The following MPDZ variants were observed in gnomAD, a reference collection of about 807,000 sequenced individuals.
MPDZ encodes the protein multiple PDZ domain protein.
In MPDZ, 234 loss-of-function variants were observed where a neutral mutation model predicts 239.1. The observed-to-expected ratio is 0.98, with a 90% confidence interval of 0.88 to 1.09. The LOEUF is 1.09. MPDZ is among the 50% of genes least tolerant of loss of function. The pLI is 0.00. For missense variants in MPDZ, 3,175 were observed against 2,510.0 expected, an observed-to-expected ratio of 1.26 and a Z score of -5.66; for synonymous variants, 1,048 against 881.3, an observed-to-expected ratio of 1.19 and a Z score of -3.35.
chr9:13,209,481 T>C (rs192523560), intron 10 of MPDZ, among the ~76,000 whole-genome samples: 470 of 152,228 alleles, frequency 3.1e-3, no homozygotes, highest in African/African-American at 0.011. Context: ...TCTTAAAACA[T>C]CTGGAAAAAA....
intron 1 of MPDZ, among the ~76,000 whole-genome samples, chr9:13,264,241 T>G (rs1971312354): frequency 6.6e-6 from 1 of 152,172 alleles, no homozygotes; most frequent in Non-Finnish European, 1.5e-5. Context: ...TGAGGCAAAA[T>G]GATCTTTCAA....
intron 3 of MPDZ, among the ~76,000 whole-genome samples, chr9:13,226,287 A>T (rs1050596251): frequency 6.6e-6 from 1 of 152,150 alleles, no homozygotes; most frequent in African/African-American, 2.4e-5. Context: ...CTTTTAAAAG[A>T]GTTTGAAGTT....
intron 7 of MPDZ, 107 bp from the exon 8 acceptor site, chr9:13,219,875 A>T (rs1228966553): frequency 5.7e-6 from 6 of 1,046,724 alleles, no homozygotes; most frequent in East Asian, 5.2e-5. Flanking sequence ...ATGAGTTACC[A>T]ATCAGGACAT....
At chr9:13,175,040 G>GAC (rs1009098075) in intron 21 of MPDZ, among the ~76,000 whole-genome samples, 5 of 152,132 alleles carry the variant, frequency 3.3e-5, no homozygotes, top group African/African-American at 1.2e-4. Context: ...ATTAACCAGA[G>GAC]TCTTGGGCTG....
At chr9:13,205,889 C>A (rs770084421) in intron 11 of MPDZ, 27 bp downstream of exon 11, 2 of 1,532,578 alleles carry the variant, frequency 1.3e-6, no homozygotes, top group Non-Finnish European at 1.8e-6. Flanking sequence ...AAAGGTCTAA[C>A]TAAAAACCAG....
intron 34 of MPDZ, among the ~76,000 whole-genome samples, chr9:13,125,915 A>G (rs1490847761): frequency 6.6e-6 from 1 of 152,236 alleles, no homozygotes; most frequent in Non-Finnish European, 1.5e-5. Flanking sequence ...ATTTTTAAAA[A>G]GTAACTTTAA....
intron 24 of MPDZ, among the ~76,000 whole-genome samples, chr9:13,152,999 C>T (rs952508568): frequency 1.3e-5 from 2 of 151,918 alleles, no homozygotes; most frequent in African/African-American, 2.4e-5. Flanking sequence ...ATGATGAGAC[C>T]CTGCAATCTG....
Position 13,121,739 on chromosome 9 carries a change from C to A in MPDZ, c.5231G>T (p.Arg1744Ile). The A allele has an allele frequency of 1.2e-6, 2 of 1,613,856 alleles. No individual in the cohort carries two copies. The highest frequency in any genetic ancestry group is 1.7e-6 in the Non-Finnish European group (2 of 1,179,804). ...KGLGLSIVGK[R>I]NDTGVFVSDI... ...TTGGGTTTGTCCTCCTCAATCACAC[C>A]TTTTACCAACAATACTTAATCCTAG... Residue 1744 changes from arginine to isoleucine, a missense_variant and splice_region_variant, in exon 38 of 47, where the codon AGA (arginine) becomes ATA (isoleucine). Transcript: ENST00000319217.
At chr9:13,251,816 C>A (rs948714869) in intron 1 of MPDZ, among the ~76,000 whole-genome samples, 4 of 152,184 alleles carry the variant, frequency 2.6e-5, no homozygotes, top group Non-Finnish European at 5.9e-5. Flanking sequence ...ACATCAACTC[C>A]ATTTCAAATG....
intron 1 of MPDZ, among the ~76,000 whole-genome samples, chr9:13,258,598 G>A (rs868592259): frequency 6.6e-6 from 1 of 152,126 alleles, no homozygotes; most frequent in South Asian, 2.1e-4. Flanking sequence ...TCCTACTTTT[G>A]GGTAACATTA....
At chr9:13,126,437 C>T in intron 34 of MPDZ, 79 bp downstream of exon 34, 2 of 944,226 alleles carry the variant, frequency 2.1e-6, no homozygotes, top group Non-Finnish European at 3.2e-6. Context: ...CCCTAATTCT[C>T]TATGATCGCA....
intron 10 of MPDZ, among the ~76,000 whole-genome samples, chr9:13,213,496 C>T (rs1316718542): frequency 1.3e-5 from 2 of 151,940 alleles, no homozygotes; most frequent in African/African-American, 4.8e-5. Context: ...TGTGAAAATG[C>T]AACTGGATGT....
intron 26 of MPDZ, among the ~76,000 whole-genome samples, chr9:13,144,463 C>G (rs1310905801): frequency 2.0e-5 from 3 of 151,890 alleles, no homozygotes; most frequent in African/African-American, 7.2e-5. Context: ...TCCTTCTTTT[C>G]ACACCCGCTA....
At chr9:13,156,236 T>A (rs1949795484) in intron 24 of MPDZ, among the ~76,000 whole-genome samples, 1 of 152,174 alleles carries the variant, frequency 6.6e-6, no homozygotes, top group African/African-American at 2.4e-5. Flanking sequence ...TAGCAGAGAT[T>A]AAGAAACTTG....
chr9:13,150,601 T>G lies in MPDZ; in HGVS notation c.3540A>C (p.Glu1180Asp), dbSNP rs1226997438. 6.4e-7 allele frequency: 1 copy of G among 1,555,356 alleles called. No individual in the cohort carries two copies. The highest frequency in any genetic ancestry group is 8.7e-7 in the Non-Finnish European group (1 of 1,149,366). The change falls in exon 25 of 47, where the codon GAA (glutamate) becomes GAC (aspartate). Residue 1180 changes from glutamate (E) to aspartate (D), a missense_variant. By Grantham distance (45) the Glu-to-Asp change is conservative (BLOSUM62 2). Transcript: ENST00000319217. ...GTTTGATGAAAATGCCCCTCATCAC[T>G]TCTCCATTGCTTAGCCGACTCCCCA... ...RGMGSRLSNG[E>D]VMRGIFIKHV...
At position 13,188,432 on chromosome 9, in the gene MPDZ, C is replaced by T. The variant is rs192471410; in HGVS notation, c.2364+352G>A. Among the ~76,000 whole-genome samples, 202 of 152,082 alleles carry T rather than the reference C, an allele frequency of 1.3e-3. 2 individuals are homozygous for T. The highest frequency in any genetic ancestry group is 4.5e-3 in the African/African-American group (187 of 41,506). On this transcript the variant is annotated intron_variant, in intron 17 of 46. Coordinates refer to ENST00000319217, the MANE Select transcript of MPDZ (RefSeq NM_001378778.1). ...AGGAGGTCTTAGGAGGCAGGAGAAT[C>T]GCTTGAATCTAGGAGGTGGAGACTG...
intron 32 of MPDZ, among the ~76,000 whole-genome samples, chr9:13,133,436 A>C (rs745936959): frequency 3.8e-4 from 58 of 152,216 alleles, no homozygotes; most frequent in Admixed American, 1.2e-3. Flanking sequence ...CTTATTTTTA[A>C]AGGACAAGAC....
Position 13,219,643 on chromosome 9 carries a change from T to G in MPDZ, c.1002A>C (p.Ala334=). ...CTGTACGTTCTTCTATGGCACCTCT[T>G]GCAATCATCAACTTAACTCTATTTC... ...QCGNRVKLMI[A]RGAIEERTAP... Residue 334 remains alanine (A), a synonymous_variant, in exon 8 of 47, where the codon GCA becomes GCC. Transcript: ENST00000319217. 1 of 1,612,712 alleles carries G rather than the reference T, an allele frequency of 6.2e-7. No homozygotes were observed.
At chr9:13,114,111 T>G in intron 40 of MPDZ, 90 bp from the exon 41 acceptor site, 1 of 984,480 alleles carries the variant, frequency 1.0e-6, no homozygotes, top group Non-Finnish European at 1.5e-6. Context: ...TAGAGACAGA[T>G]ACCTGTTAAG....
Sources: allele counts gnomAD v4.1 joint callset (sites outside exome capture counted in the v4.1 genomes callset), GRCh38; gene constraint gnomAD v4.1.1; transcripts MANE v1.5; gene names NCBI Gene and HGNC (gene_info 2026-07-23, HGNC 2026-07-21).